The following VPS13B variants were observed in gnomAD, a reference collection of about 807,000 sequenced individuals.
VPS13B encodes vacuolar protein sorting 13 homolog B.
VPS13B carries 285 observed loss-of-function variants against 426.4 expected under a neutral mutation model. The ratio of observed to expected loss-of-function variants is 0.67; its 90% CI spans 0.61 to 0.74. The LOEUF (loss-of-function observed/expected upper bound fraction) is 0.74. VPS13B is among the 30% of genes least tolerant of loss of function. The pLI, the probability that VPS13B is intolerant of heterozygous loss-of-function variation, is 0.00. For synonymous variants in VPS13B, 1,676 were observed against 1,676.4 expected (o/e 1.00, Z 0.01); for missense variants, 4,537 against 4,782.6 (o/e 0.95, Z 1.51).
intron 59 of VPS13B, 36 bp downstream of exon 59, chr8:99,868,501 C>T (rs765162732): frequency 3.1e-5 from 49 of 1,578,816 alleles, no homozygotes; most frequent in South Asian, 3.5e-5. Context: ...CCAACCCAGA[C>T]GTTACTGATT....
intron 17 of VPS13B, among the ~76,000 whole-genome samples, chr8:99,256,269 A>G (rs996952039): frequency 7.2e-5 from 11 of 152,134 alleles, no homozygotes; most frequent in African/African-American, 2.2e-4. Context: ...ATTCTATTGT[A>G]TGTATATACC....
intron 40 of VPS13B, among the ~76,000 whole-genome samples, chr8:99,772,728 G>T (rs1386976451): frequency 6.6e-6 from 1 of 152,166 alleles, no homozygotes; most frequent in East Asian, 1.9e-4. Flanking sequence ...ATAAAAGTGT[G>T]CTTGTTATTT....
chr8:99,386,160 G>T (rs1261486772), intron 20 of VPS13B, among the ~76,000 whole-genome samples: 1 of 152,138 alleles, frequency 6.6e-6, no homozygotes, highest in African/African-American at 2.4e-5. Flanking sequence ...AAGTAATACA[G>T]TTATTTCCAG....
At chr8:99,049,651 G>A (rs910659681) in intron 3 of VPS13B, among the ~76,000 whole-genome samples, 2 of 151,896 alleles carry the variant, frequency 1.3e-5, no homozygotes, top group African/African-American at 2.4e-5. Context: ...GTGCCTAGGC[G>A]ATGATCTTTT....
chr8:99,427,547 G>A (rs1031016066), intron 21 of VPS13B, among the ~76,000 whole-genome samples: 1 of 151,876 alleles, frequency 6.6e-6, no homozygotes, highest in Non-Finnish European at 1.5e-5. Flanking sequence ...TTGCTTCAAA[G>A]AGAATAAAAT....
chr8:99,343,359 T>C (rs2133191406), intron 19 of VPS13B, among the ~76,000 whole-genome samples: 1 of 152,338 alleles, frequency 6.6e-6, no homozygotes, highest in East Asian at 1.9e-4. Context: ...CCCAAAGTGC[T>C]AGGATTACAG....
intron 2 of VPS13B, among the ~76,000 whole-genome samples, chr8:99,026,017 CT>C (rs1280260185): frequency 6.6e-6 from 1 of 151,820 alleles, no homozygotes; most frequent in South Asian, 2.1e-4. Context: ...TGTTCTGATC[CT>C]CATAATATCT....
intron 33 of VPS13B, among the ~76,000 whole-genome samples, chr8:99,604,120 C>T (rs1270927992): frequency 3.3e-5 from 5 of 152,124 alleles, no homozygotes; most frequent in Non-Finnish European, 5.9e-5. Flanking sequence ...GAGGTAGATT[C>T]AGTTACTAAT....
chr8:99,529,179 C>T (rs1248228350), intron 30 of VPS13B, among the ~76,000 whole-genome samples: 1 of 152,052 alleles, frequency 6.6e-6, no homozygotes, highest in Non-Finnish European at 1.5e-5. Context: ...CTCCTCCTTA[C>T]CAGGGCTTAT....
At chr8:99,483,863 C>T (rs946302206) in intron 25 of VPS13B, among the ~76,000 whole-genome samples, 1 of 152,040 alleles carries the variant, frequency 6.6e-6, no homozygotes, top group Non-Finnish European at 1.5e-5. Flanking sequence ...GACTGCCGTT[C>T]ATACAAGGTA....
At chr8:99,521,936 CT>C (rs1822397249) in intron 30 of VPS13B, among the ~76,000 whole-genome samples, 1 of 151,970 alleles carries the variant, frequency 6.6e-6, no homozygotes, top group African/African-American at 2.4e-5. Flanking sequence ...TGTATGATCT[CT>C]TCCTTGTATT....
chr8:99,020,135 A>G (rs1587921458), intron 2 of VPS13B, among the ~76,000 whole-genome samples: 1 of 131,584 alleles, frequency 7.6e-6, no homozygotes, highest in African/African-American at 2.8e-5. Flanking sequence ...CGTCACTAAC[A>G]CTTGTTGTTT....
chr8:99,544,485 G>C (rs1250274827), intron 30 of VPS13B, among the ~76,000 whole-genome samples: 2 of 151,784 alleles, frequency 1.3e-5, no homozygotes, highest in African/African-American at 4.8e-5. Flanking sequence ...AAATTCAGAA[G>C]TATTTACTGA....
intron 17 of VPS13B, among the ~76,000 whole-genome samples, chr8:99,247,015 C>T (rs1322945851): frequency 1.3e-5 from 2 of 152,070 alleles, no homozygotes; most frequent in Non-Finnish European, 2.9e-5. Context: ...AGGGCAGGCA[C>T]TATATTTTAT....
chr8:99,180,744 C>T (rs550380750), intron 16 of VPS13B, among the ~76,000 whole-genome samples: 7 of 152,176 alleles, frequency 4.6e-5, no homozygotes, highest in African/African-American at 1.7e-4. Context: ...TCAAGTGTGA[C>T]TGCAACATAG....
chr8:99,635,746 G>T (rs1829040733), intron 33 of VPS13B, among the ~76,000 whole-genome samples: 4 of 151,906 alleles, frequency 2.6e-5, no homozygotes, highest in Admixed American at 2.6e-4. Flanking sequence ...TGTTGATATG[G>T]CTGAACAAGA....
At chr8:99,348,729 A>G (rs1229746080) in intron 19 of VPS13B, among the ~76,000 whole-genome samples, 1 of 152,148 alleles carries the variant, frequency 6.6e-6, no homozygotes, top group Non-Finnish European at 1.5e-5. Context: ...CACCTAACAA[A>G]TGCCTTTATT....
chr8:99,678,569 G>GTT lies in VPS13B; in HGVS notation c.6046+17089_6046+17090dup, dbSNP rs11405601. On this transcript the variant is annotated intron_variant, in intron 35 of 61. Coordinates refer to ENST00000357162, the MANE Select transcript of VPS13B (RefSeq NM_152564.5). ...TGCTTATTTGGCTTAATCTGATTCT[G>GTT]TTTTTTTTTTTTAAGAAAAACTGTT... Among the ~76,000 whole-genome samples the GTT allele has an allele frequency of 5.9e-4, 84 of 143,348 alleles. 1 individual carries two copies. In the East Asian group the frequency reaches 6.0e-3, roughly 10 times the overall value. 94.0% of individuals were successfully genotyped at this position (143,348 alleles called of 152,430 possible).
intron 30 of VPS13B, among the ~76,000 whole-genome samples, chr8:99,552,208 C>T (rs1824314332): frequency 1.3e-5 from 2 of 151,530 alleles, no homozygotes; most frequent in African/African-American, 4.8e-5. Context: ...AGTCTTGTTC[C>T]CTGCTCATAC....
Sources: allele counts gnomAD v4.1 joint callset (sites outside exome capture counted in the v4.1 genomes callset), GRCh38; gene constraint gnomAD v4.1.1; transcripts MANE v1.5; gene names NCBI Gene and HGNC (gene_info 2026-07-23, HGNC 2026-07-21).